Variants in LRCH3 observed in about 807,000 individuals in gnomAD.
LRCH3 encodes the protein DISP complex protein LRCH3.
Under a neutral mutation model 104.5 loss-of-function variants are expected in LRCH3, and 68 were observed. The observed-to-expected ratio is 0.65, with a 90% CI of 0.54 to 0.80. The LOEUF (loss-of-function observed/expected upper bound fraction) is 0.80, where lower values mean the gene tolerates loss of function less well. Ranked by LOEUF, LRCH3 falls within the 30% of genes least tolerant of loss-of-function variation. The pLI is 0.00. For synonymous variants in LRCH3, 344 were observed against 361.3 expected (o/e 0.95, Z 0.54); for missense variants, 951 against 953.9 (o/e 1.00, Z 0.04).
chr3:197,844,885 A>T (rs1738408212), intron 10 of LRCH3, among the ~76,000 whole-genome samples: 2 of 152,126 alleles, frequency 1.3e-5, no homozygotes, highest in Admixed American at 6.6e-5. Flanking sequence ...CTCCCAAAGA[A>T]GTGCTGGGAT....
intron 1 of LRCH3, among the ~76,000 whole-genome samples, chr3:197,809,233 G>A (rs1482616716): frequency 6.6e-6 from 1 of 151,148 alleles, no homozygotes; most frequent in Non-Finnish European, 1.5e-5. Flanking sequence ...AAGAGGTAGA[G>A]GTTGCAGTGA....
At chr3:197,863,772 A>G (rs192377633) in intron 15 of LRCH3, among the ~76,000 whole-genome samples, 40 of 152,166 alleles carry the variant, frequency 2.6e-4, no homozygotes, top group African/African-American at 8.7e-4. Flanking sequence ...AAATATATCT[A>G]TCATCTCTTA....
intron 1 of LRCH3, among the ~76,000 whole-genome samples, chr3:197,807,946 T>G (rs1264126060): frequency 6.6e-6 from 1 of 152,222 alleles, no homozygotes. Context: ...TCAAACAGTC[T>G]TATAATTTTT....
chr3:197,838,866 T>C (rs537388182), intron 9 of LRCH3, among the ~76,000 whole-genome samples: 9 of 152,336 alleles, frequency 5.9e-5, no homozygotes, highest in Non-Finnish European at 1.0e-4. Context: ...GACAATTTGT[T>C]GTGATGGATA....
intron 1 of LRCH3, among the ~76,000 whole-genome samples, chr3:197,792,798 C>G (rs1002067640): frequency 1.1e-4 from 17 of 148,584 alleles, no homozygotes; most frequent in East Asian, 4.0e-4. Context: ...ACTACAGGCG[C>G]CCGCCACCAC....
rs144192699 is a variant in LRCH3 at position 197,794,132 on chromosome 3, A to G, written c.262+2592A>G. Among the ~76,000 whole-genome samples the G allele has an allele frequency of 5.3e-5, 8 of 152,346 alleles. No individual in the cohort carries two copies. In the East Asian group the frequency reaches 1.5e-3, roughly 29 times the overall value. ...TAGGATTTTGGCCCAGGTTATAGCTATCACCACTATATAGTATCACTGGTA... is the reference window on the plus strand; with the variant it reads ...TAGGATTTTGGCCCAGGTTATAGCTGTCACCACTATATAGTATCACTGGTA... On this transcript the variant is annotated intron_variant, in intron 1 of 20. Transcript: ENST00000425562.
At chr3:197,832,457 G>GA (rs919566577) in intron 8 of LRCH3, 140 bp downstream of exon 8, 1 of 770,976 alleles carries the variant, frequency 1.3e-6, no homozygotes, top group African/African-American at 1.8e-5. Flanking sequence ...ATATATGATT[G>GA]AAAAATACTA....
rs746084504 is a variant in LRCH3 at position 197,852,605 on chromosome 3, T to C, written c.1575T>C (p.Asp525=). The change falls in exon 13 of 21, where the codon GAT becomes GAC. Residue 525 remains aspartate, a synonymous_variant. Transcript: ENST00000425562. ...CACAAAAACAGCACCCGCTCCTAGATGGCGTAGATGGTGAGGTAAGTTGAT... is the reference window on the plus strand; with the variant it reads ...CACAAAAACAGCACCCGCTCCTAGACGGCGTAGATGGTGAGGTAAGTTGAT... ...QSPQKQHPLL[D]GVDGECPFPS... is the part of the protein sequence containing the mutation. 4 of 1,614,152 alleles carry C rather than the reference T, an allele frequency of 2.5e-6. No individual in the cohort carries two copies. The highest frequency in any genetic ancestry group is 3.4e-6 in the Non-Finnish European group (4 of 1,179,984).
chr3:197,827,202 G>GTGGAAGCATCAGGTAA (rs1735316543), intron 5 of LRCH3, among the ~76,000 whole-genome samples, 188 bp downstream of exon 5: 7 of 95,662 alleles, frequency 7.3e-5, no homozygotes, highest in Admixed American at 2.2e-4. Flanking sequence ...GCATCAGGTA[G>GTGGAAGCATCAGGTAA]ACCATGGTGG....
intron 1 of LRCH3, among the ~76,000 whole-genome samples, chr3:197,803,854 A>G (rs1359054419): frequency 6.6e-6 from 1 of 152,236 alleles, no homozygotes; most frequent in East Asian, 1.9e-4. Context: ...AACGTTAACC[A>G]GGTAATTCTT....
intron 20 of LRCH3, among the ~76,000 whole-genome samples, chr3:197,876,775 G>C (rs1475026589): frequency 2.0e-5 from 3 of 152,100 alleles, no homozygotes; most frequent in Non-Finnish European, 4.4e-5. Context: ...ATTGCTCTCA[G>C]AGTTTGGTTC....
chr3:197,845,494 T>C (rs1738535928), intron 10 of LRCH3, among the ~76,000 whole-genome samples: 1 of 152,180 alleles, frequency 6.6e-6, no homozygotes, highest in Non-Finnish European at 1.5e-5. Context: ...CATTTTTGTT[T>C]TTTATGTCTC....
chr3:197,847,899 C>G lies in LRCH3; in HGVS notation c.1408C>G (p.Gln470Glu). 6.2e-7 allele frequency: 1 copy of G among 1,614,018 alleles called. No homozygotes were observed. Among genetic ancestry groups the G allele is most frequent in the East Asian group, 2.2e-5 (1 of 44,854 alleles). ...GTCACACACAGACCTGGAACTTCAT[C>G]AGAGAAGGGAGCAGTTAGTAGAGCG... ...QLSHTDLELHQRREQLVERTR... is the reference protein window; with the variant it reads ...QLSHTDLELHERREQLVERTR... The change falls in exon 12 of 21, where the codon CAG becomes GAG. Residue 470 changes from glutamine (Q) to glutamate (E), a missense_variant. By Grantham distance (29) the Gln-to-Glu change is conservative. Transcript: ENST00000425562.
intron 1 of LRCH3, among the ~76,000 whole-genome samples, chr3:197,792,635 A>G (rs1407082433): frequency 6.5e-5 from 7 of 108,500 alleles, no homozygotes; most frequent in Non-Finnish European, 9.3e-5. Flanking sequence ...ATATACATAT[A>G]AATATTATAT....
intron 8 of LRCH3, among the ~76,000 whole-genome samples, chr3:197,833,118 A>C (rs781044679): frequency 6.6e-6 from 1 of 152,138 alleles, no homozygotes; most frequent in African/African-American, 2.4e-5. Flanking sequence ...TGTTTCTCTC[A>C]TATGAGGTAT....
At position 197,791,517 on chromosome 3, in the gene LRCH3, A is replaced by C; in HGVS notation, c.239A>C (p.Asp80Ala). Residue 80 changes from aspartate (D) to alanine (A), a missense_variant, in exon 1 of 21, where the codon GAC becomes GCC. By Grantham distance (126) the Asp-to-Ala change is moderately radical. Transcript: ENST00000425562. The part of the protein sequence containing the change: ...REFPRGAANH[D>A]LTDTTRADLS... ...TTTCCCCGGGGAGCGGCCAACCACG[A>C]CCTGACGGACACCACCCGGGCGGGT... is the stretch of plus-strand genomic sequence containing the variant. 1 of 1,594,776 alleles carries C rather than the reference A, an allele frequency of 6.3e-7. No homozygotes were observed. The highest frequency in any genetic ancestry group is 8.5e-7 in the Non-Finnish European group (1 of 1,172,972).
At chr3:197,824,330 T>A (rs1734859296) in intron 4 of LRCH3, among the ~76,000 whole-genome samples, 1 of 149,642 alleles carries the variant, frequency 6.7e-6, no homozygotes, top group Admixed American at 6.7e-5. Flanking sequence ...CCCAAAGTGC[T>A]GGGATTACAG....
At chr3:197,837,025 C>A (rs10428138) in intron 9 of LRCH3, among the ~76,000 whole-genome samples, 2,192 of 152,136 alleles carry the variant, frequency 0.014, 56 homozygotes, top group African/African-American at 0.051. Flanking sequence ...TTTTTCCTAT[C>A]TGAATACTTT....
At chr3:197,847,603 G>A in intron 11 of LRCH3, 143 bp downstream of exon 11, 1 of 243,648 alleles carries the variant, frequency 4.1e-6, no homozygotes, top group Non-Finnish European at 6.0e-6. Flanking sequence ...ATATGTACGT[G>A]ATACTTGCTA....
Sources: allele counts gnomAD v4.1 joint callset (sites outside exome capture counted in the v4.1 genomes callset), GRCh38; gene constraint gnomAD v4.1.1; transcripts MANE v1.5; gene names NCBI Gene and HGNC (gene_info 2026-07-23, HGNC 2026-07-21).